The following GLIS3 variants were observed in gnomAD, a reference collection of about 807,000 sequenced individuals.
GLIS3 encodes GLIS family zinc finger 3, also known as zinc finger protein GLIS3.
GLIS3 carries 53 observed loss-of-function variants against 78.6 expected under a neutral mutation model. That is an observed-to-expected ratio of 0.67 (90% CI 0.54 to 0.85). The LOEUF (loss-of-function observed/expected upper bound fraction) is 0.85, where lower values mean the gene tolerates loss of function less well. GLIS3 is among the 40% of genes least tolerant of loss of function. GLIS3 has a pLI of 0.00. For missense variants in GLIS3, 1,703 were observed against 1,231.1 expected, an observed-to-expected ratio of 1.38 and a Z score of -5.74; for synonymous variants, 684 against 509.9, an observed-to-expected ratio of 1.34 and a Z score of -4.60.
chr9:4,432,879 G>A, the GLIS3 span, among the ~76,000 whole-genome samples: 2 of 151,904 alleles, frequency 1.3e-5, no homozygotes, highest in African/African-American at 2.4e-5. Context: ...AACTCCAGGT[G>A]AGCCACCCGC....
intron 1 of GLIS3, among the ~76,000 whole-genome samples, chr9:4,295,826 C>G (rs1816437963): frequency 6.6e-6 from 1 of 152,156 alleles, no homozygotes; most frequent in Non-Finnish European, 1.5e-5. Context: ...AAGTGGGAAA[C>G]TACAAAAACT....
At chr9:4,067,507 AGC>A (rs1261576838) in intron 4 of GLIS3, among the ~76,000 whole-genome samples, 1 of 152,132 alleles carries the variant, frequency 6.6e-6, no homozygotes, top group East Asian at 1.9e-4. Context: ...AGAACACAAC[AGC>A]CATGAAGAAT....
chr9:4,265,902 T>TG (rs1563861211), intron 2 of GLIS3, among the ~76,000 whole-genome samples: 2 of 93,932 alleles, frequency 2.1e-5, no homozygotes, highest in African/African-American at 1.0e-4. Context: ...CCCTGGTTTT[T>TG]TTTTTGTTTG....
chr9:4,397,472 T>A, the GLIS3 span, among the ~76,000 whole-genome samples: 2 of 151,644 alleles, frequency 1.3e-5, no homozygotes, highest in African/African-American at 4.9e-5. Flanking sequence ...CAATAGTAGG[T>A]GGGATGTGTC....
At chr9:4,216,253 A>C (rs1002037179) in intron 2 of GLIS3, among the ~76,000 whole-genome samples, 1 of 152,066 alleles carries the variant, frequency 6.6e-6, no homozygotes, top group African/African-American at 2.4e-5. Context: ...TGGGCAGATC[A>C]TGAGGTCAGG....
chr9:3,980,460 A>G lies in GLIS3; in HGVS notation c.1711-43271T>C, dbSNP rs930493458. Among the ~76,000 whole-genome samples the G allele has an allele frequency of 9.9e-4, 151 of 152,240 alleles. 1 individual carries two copies. Among genetic ancestry groups the G allele is most frequent in the African/African-American group, 3.6e-3 (149 of 41,554 alleles). On this transcript the variant is annotated intron_variant, in intron 4 of 10. Transcript: ENST00000381971. ...AGCCAGACATACCAGCAGGCTGCCA[A>G]GTCATTTTAATTCAAATTTGATGGA... is the stretch of plus-strand genomic sequence containing the variant.
At chr9:4,278,180 G>C (rs1827200129) in intron 2 of GLIS3, among the ~76,000 whole-genome samples, 1 of 152,310 alleles carries the variant, frequency 6.6e-6, no homozygotes, top group Non-Finnish European at 1.5e-5. Flanking sequence ...ACTCAGTAAT[G>C]TTGTATTTTA....
chr9:4,241,189 G>A (rs1823274485), intron 2 of GLIS3, among the ~76,000 whole-genome samples: 1 of 152,202 alleles, frequency 6.6e-6, no homozygotes. Flanking sequence ...TGGATGAAGT[G>A]TGGTGGAGTA....
intron 2 of GLIS3, among the ~76,000 whole-genome samples, chr9:4,155,488 C>A (rs551856904): frequency 8.5e-5 from 13 of 152,308 alleles, no homozygotes; most frequent in African/African-American, 3.1e-4. Flanking sequence ...CAATATTTAG[C>A]GTATTTGTTT....
At chr9:3,953,791 C>G (rs987032758) in intron 4 of GLIS3, among the ~76,000 whole-genome samples, 169 of 47,978 alleles carry the variant, frequency 3.5e-3, no homozygotes, top group African/African-American at 0.012. Context: ...CTCTCTCTCT[C>G]TCTCTATATA....
At chr9:4,410,289 GTTCT>G in the GLIS3 span, among the ~76,000 whole-genome samples, 1 of 151,950 alleles carries the variant, frequency 6.6e-6, no homozygotes, top group Non-Finnish European at 1.5e-5. Flanking sequence ...GAAAAATTCA[GTTCT>G]TTATTAGGGT....
chr9:4,127,161 T>C (rs1832637252), intron 2 of GLIS3, among the ~76,000 whole-genome samples: 1 of 152,186 alleles, frequency 6.6e-6, no homozygotes, highest in Non-Finnish European at 1.5e-5. Flanking sequence ...CATCATTAGC[T>C]GCCAGGAATC....
the GLIS3 span, among the ~76,000 whole-genome samples, chr9:4,414,290 G>A: frequency 6.6e-6 from 1 of 152,202 alleles, no homozygotes; most frequent in Admixed American, 6.5e-5. Flanking sequence ...ATAAATGGAA[G>A]ACATGGCAAA....
chr9:4,027,227 G>C (rs936416296), intron 4 of GLIS3, among the ~76,000 whole-genome samples: 10 of 152,196 alleles, frequency 6.6e-5, no homozygotes, highest in African/African-American at 2.4e-4. Context: ...ACAACGCTTA[G>C]CCATTTCAGC....
At chr9:4,393,349 G>C in the GLIS3 span, among the ~76,000 whole-genome samples, 1 of 152,022 alleles carries the variant, frequency 6.6e-6, no homozygotes, top group African/African-American at 2.4e-5. Context: ...AATATTCAGC[G>C]TATATTTTAC....
In GLIS3 at chr9:3,980,133, A is replaced by G. The variant is rs181749347; in HGVS notation, c.1711-42944T>C. Among the ~76,000 whole-genome samples the G allele has an allele frequency of 3.4e-3, 523 of 152,324 alleles. 1 individual carries two copies. Among genetic ancestry groups the G allele is most frequent in the South Asian group, 5.0e-3 (24 of 4,818 alleles). ...GACTTCTTCCTGTTGGTTTCAGAACACAGGCCCTATATCATATTTTGTTTA... is the reference window on the plus strand; with the variant it reads ...GACTTCTTCCTGTTGGTTTCAGAACGCAGGCCCTATATCATATTTTGTTTA... On this transcript the variant is annotated intron_variant, in intron 4 of 10. Coordinates refer to ENST00000381971, the MANE Select transcript of GLIS3 (RefSeq NM_001042413.2).
chr9:4,041,602 A>G (rs1824816161), intron 4 of GLIS3, among the ~76,000 whole-genome samples: 1 of 152,092 alleles, frequency 6.6e-6, no homozygotes. Flanking sequence ...TTTCCTAATC[A>G]GTATGGTTCT....
chr9:4,279,895 GA>G (rs538781460), intron 2 of GLIS3, among the ~76,000 whole-genome samples: 70 of 132,530 alleles, frequency 5.3e-4, no homozygotes, highest in Middle Eastern at 3.9e-3. Flanking sequence ...TCTTTGATTA[GA>G]AAAAAAAAAC....
In GLIS3 at chr9:4,063,263, T is replaced by C. The variant is rs1341315701; in HGVS notation, c.1710+54505A>G. Among the ~76,000 whole-genome samples the C allele has an allele frequency of 3.3e-5, 5 of 152,178 alleles. No homozygotes were observed. In the East Asian group the frequency reaches 7.7e-4, roughly 23 times the overall value. ...ATTCCCCACTTAGTGAAATTTACCT[T>C]TTATAAAACATGTAATATGATGGAT... On this transcript the variant is annotated intron_variant, in intron 4 of 10. Coordinates refer to ENST00000381971, the MANE Select transcript of GLIS3 (RefSeq NM_001042413.2).
Sources: allele counts gnomAD v4.1 joint callset (sites outside exome capture counted in the v4.1 genomes callset), GRCh38; gene constraint gnomAD v4.1.1; transcripts MANE v1.5; gene names NCBI Gene and HGNC (gene_info 2026-07-23, HGNC 2026-07-21).